Variants in SDCCAG8 observed in about 807,000 individuals in gnomAD.
The protein encoded by SDCCAG8 is serologically defined colon cancer antigen 8.
A neutral mutation model predicts 101.8 loss-of-function variants in SDCCAG8; 74 were observed. The observed-to-expected ratio is 0.73, with a 90% CI of 0.60 to 0.88. The LOEUF (loss-of-function observed/expected upper bound fraction) is 0.88, where lower values mean the gene tolerates loss of function less well. Ranked by LOEUF, SDCCAG8 falls within the 40% of genes least tolerant of loss-of-function variation. The pLI is 0.00. For synonymous variants in SDCCAG8, 281 were observed against 292.9 expected (o/e 0.96, Z 0.41); for missense variants, 787 against 822.6 (o/e 0.96, Z 0.53).
At chr1:243,487,910 C>G (rs1266048745) in intron 16 of SDCCAG8, 2 of 152,608 alleles carry the variant, frequency 1.3e-5, no homozygotes, top group East Asian at 3.9e-4. Context: ...GGGCTGGGGG[C>G]TCGGGCCCCT....
chr1:243,273,136 T>C (rs1005345535), intron 3 of SDCCAG8, among the ~76,000 whole-genome samples: 2 of 152,234 alleles, frequency 1.3e-5, no homozygotes, highest in African/African-American at 4.8e-5. Flanking sequence ...AGATAATTCA[T>C]TTAATTAGAG....
chr1:243,495,542 C>T (rs1667615677), intron 17 of SDCCAG8, among the ~76,000 whole-genome samples: 1 of 152,178 alleles, frequency 6.6e-6, no homozygotes, highest in Non-Finnish European at 1.5e-5. Flanking sequence ...GCCTGCTTTG[C>T]AGCTGGCAGA....
At chr1:243,431,247 G>A (rs750294754) in intron 16 of SDCCAG8, among the ~76,000 whole-genome samples, 2 of 152,200 alleles carry the variant, frequency 1.3e-5, no homozygotes, top group Non-Finnish European at 2.9e-5. Flanking sequence ...ACTTAGTCAA[G>A]CAATGATGAT....
chr1:243,294,641 TCTC>T lies in SDCCAG8; in HGVS notation c.675+1423_675+1425del, dbSNP rs568940223. On this transcript the variant is annotated intron_variant, in intron 6 of 17. Coordinates refer to ENST00000366541, the MANE Select transcript of SDCCAG8 (RefSeq NM_006642.5). ...AGCCATAGGTGAAAGCTTACAGTCT[TCTC>T]AGGATGTTTCTGAGTGTGTATCTTT... is the stretch of plus-strand genomic sequence containing the variant. 1.6e-3 allele frequency among the ~76,000 whole-genome samples: 246 copies of T among 150,808 alleles called. 1 individual carries two copies. Among genetic ancestry groups the T allele is most frequent in the Non-Finnish European group, 2.2e-3 (149 of 67,790 alleles).
At chr1:243,396,904 C>T (rs1444487981) in intron 13 of SDCCAG8, among the ~76,000 whole-genome samples, 2 of 152,116 alleles carry the variant, frequency 1.3e-5, no homozygotes, top group Non-Finnish European at 2.9e-5. Context: ...AAATCCATGC[C>T]GACAGTTCAT....
intron 4 of SDCCAG8, among the ~76,000 whole-genome samples, chr1:243,282,225 T>C (rs1447517840): frequency 6.6e-6 from 1 of 152,062 alleles, no homozygotes; most frequent in African/African-American, 2.4e-5. Context: ...TCTTTGCTGG[T>C]AGCCGTTGAT....
intron 8 of SDCCAG8, among the ~76,000 whole-genome samples, chr1:243,314,674 G>C (rs2073075559): frequency 6.6e-6 from 1 of 151,816 alleles, no homozygotes; most frequent in Non-Finnish European, 1.5e-5. Context: ...TCCTGTTGTG[G>C]ATCTGTCTGT....
At chr1:243,285,489 C>G (rs2069522570) in intron 4 of SDCCAG8, among the ~76,000 whole-genome samples, 1 of 152,114 alleles carries the variant, frequency 6.6e-6, no homozygotes, top group Admixed American at 6.5e-5. Context: ...TAAATTACAG[C>G]TTTTTATTAT....
At chr1:243,475,852 C>A in intron 16 of SDCCAG8, 1 of 655,638 alleles carries the variant, frequency 1.5e-6, no homozygotes, top group Non-Finnish European at 1.9e-6. Flanking sequence ...TAGACTGGTT[C>A]TCTTGCCACT....
chr1:243,363,532 C>A (rs1465377181), intron 12 of SDCCAG8, among the ~76,000 whole-genome samples: 1 of 152,114 alleles, frequency 6.6e-6, no homozygotes, highest in African/African-American at 2.4e-5. Context: ...CCATTTTGTT[C>A]ATCTAGATAA....
At chr1:243,357,293 C>T (rs1475806706) in intron 12 of SDCCAG8, among the ~76,000 whole-genome samples, 3 of 151,802 alleles carry the variant, frequency 2.0e-5, no homozygotes, top group Non-Finnish European at 4.4e-5. Flanking sequence ...GCAAGAGAAT[C>T]GCTTGAACCT....
chr1:243,279,496 A>G (rs1430234941), intron 4 of SDCCAG8, among the ~76,000 whole-genome samples: 2 of 152,226 alleles, frequency 1.3e-5, no homozygotes, highest in Admixed American at 1.3e-4. Flanking sequence ...GAAAATAACA[A>G]AATTTGAAAC....
chr1:243,493,320 C>T (rs528656327), intron 17 of SDCCAG8, among the ~76,000 whole-genome samples: 2 of 152,132 alleles, frequency 1.3e-5, no homozygotes, highest in Non-Finnish European at 2.9e-5. Context: ...GGTCTGCGGC[C>T]CAGAGCCTGG....
rs576988620 is a variant in SDCCAG8, at chr1:243,344,272, G to A, written c.1414G>A (p.Glu472Lys). Reference protein sequence around the residue: ...NKTNMEKDEAEKEHREFRAKT... With the variant: ...NKTNMEKDEAKKEHREFRAKT... ...AACCAACATGGAGAAGGATGAGGCAGAAAAGGAGCACAGAGAGTTCAGAGC... is the reference window on the plus strand; with the variant it reads ...AACCAACATGGAGAAGGATGAGGCAAAAAAGGAGCACAGAGAGTTCAGAGC... Residue 472 changes from glutamate to lysine, a missense_variant, in exon 12 of 18, where the codon GAA (glutamate) becomes AAA (lysine). Transcript: ENST00000366541. The A allele has an allele frequency of 6.2e-7, 1 of 1,613,912 alleles. No individual in the cohort carries two copies. The highest frequency in any genetic ancestry group is 8.5e-7 in the Non-Finnish European group (1 of 1,179,952).
intron 16 of SDCCAG8, among the ~76,000 whole-genome samples, chr1:243,434,181 A>G (rs2081986664): frequency 6.6e-6 from 1 of 152,236 alleles, no homozygotes; most frequent in Non-Finnish European, 1.5e-5. Context: ...TCAGTGGTAT[A>G]ATGGTTTCCC....
chr1:243,406,702 C>A (rs376457248), intron 13 of SDCCAG8, among the ~76,000 whole-genome samples: 1 of 152,070 alleles, frequency 6.6e-6, no homozygotes, highest in South Asian at 2.1e-4. Context: ...CTCCAAGTCT[C>A]GTCTTTCTTC....
At chr1:243,287,287 C>T (rs2069718772) in intron 5 of SDCCAG8, among the ~76,000 whole-genome samples, 1 of 152,154 alleles carries the variant, frequency 6.6e-6, no homozygotes, top group South Asian at 2.1e-4. Context: ...TCATACTTGC[C>T]TATTCCAGCT....
chr1:243,469,019 G>A (rs1441690865), intron 16 of SDCCAG8, among the ~76,000 whole-genome samples: 1 of 152,160 alleles, frequency 6.6e-6, no homozygotes, highest in Non-Finnish European at 1.5e-5. Context: ...GAGAGACATA[G>A]TATGATTTTA....
intron 6 of SDCCAG8, 98 bp from the exon 7 acceptor site, chr1:243,304,615 G>A: frequency 2.9e-6 from 2 of 691,620 alleles, no homozygotes; most frequent in Non-Finnish European, 2.5e-6. Flanking sequence ...CCCACGTTGG[G>A]TAAAAAGAAA....
Sources: gnomAD v4.1 joint callset for allele counts (sites outside exome capture counted in the v4.1 genomes callset) on GRCh38, gnomAD v4.1.1 for gene constraint, MANE v1.5 for transcripts, NCBI Gene and HGNC (gene_info 2026-07-23, HGNC 2026-07-21) for gene names.